CEP112: variants seen among roughly 807,000 people sequenced by gnomAD.
CEP112 encodes the protein centrosomal protein 112.
A neutral mutation model predicts 153.0 loss-of-function variants in CEP112; 127 were observed. The ratio of observed to expected loss-of-function variants is 0.83; its 90% CI spans 0.72 to 0.96. The LOEUF (loss-of-function observed/expected upper bound fraction) is 0.96, where lower values mean the gene tolerates loss of function less well. Ranked by LOEUF, CEP112 falls within the 40% of genes least tolerant of loss-of-function variation. The pLI is 0.00. For synonymous variants in CEP112, 358 were observed against 374.4 expected, an observed-to-expected ratio of 0.96 and a Z score of 0.51; for missense variants, 1,089 against 1,101.2, an observed-to-expected ratio of 0.99 and a Z score of 0.16.
intron 25 of CEP112, among the ~76,000 whole-genome samples, chr17:65,640,417 G>C (rs2045068214): frequency 6.6e-6 from 1 of 152,080 alleles, no homozygotes; most frequent in African/African-American, 2.4e-5. Context: ...GCCTCCCAAA[G>C]TGACAGGATT....
chr17:65,696,844 T>A (rs1217687247), intron 23 of CEP112, among the ~76,000 whole-genome samples: 1 of 151,880 alleles, frequency 6.6e-6, no homozygotes. Flanking sequence ...TAAAAAAAAA[T>A]GAGGTCATCA....
intron 24 of CEP112, among the ~76,000 whole-genome samples, chr17:65,659,738 GA>G (rs1345309081): frequency 2.0e-5 from 3 of 152,102 alleles, no homozygotes; most frequent in African/African-American, 7.2e-5. Flanking sequence ...TAGGCTTTCT[GA>G]AAGAAAAAAG....
intron 24 of CEP112, among the ~76,000 whole-genome samples, chr17:65,643,144 T>C (rs2045237680): frequency 6.6e-6 from 1 of 151,978 alleles, no homozygotes; most frequent in South Asian, 2.1e-4. Context: ...GCTGAAGGAG[T>C]CCCAAGAGGG....
intron 21 of CEP112, among the ~76,000 whole-genome samples, chr17:65,839,570 A>T (rs1380033251): frequency 1.3e-5 from 2 of 152,106 alleles, no homozygotes; most frequent in African/African-American, 4.8e-5. Context: ...CATAGTGAAA[A>T]GGGAAAAATT....
rs1425081640 is a variant in CEP112 at position 66,109,663 on chromosome 17, A to G, written c.643-13031T>C. 3.3e-5 allele frequency among the ~76,000 whole-genome samples: 5 copies of G among 152,184 alleles called. No individual in the cohort carries two copies. The East Asian group carries it at 9.6e-4, about 29-fold the overall frequency. ...GAAAAAAAAATAGAGAGTAGAATCC[A>G]TTTTGGACAGTCTCGATGTTGCAAA... On this transcript the variant is annotated intron_variant, in intron 6 of 26. Coordinates refer to ENST00000535342, the MANE Select transcript of CEP112 (RefSeq NM_001199165.4).
chr17:65,965,055 G>T (rs1266256973), intron 17 of CEP112, among the ~76,000 whole-genome samples: 1 of 152,064 alleles, frequency 6.6e-6, no homozygotes, highest in Non-Finnish European at 1.5e-5. Context: ...TTGAAAGTCA[G>T]TTTTTTATAT....
chr17:66,062,026 T>C (rs1021315052), intron 11 of CEP112, among the ~76,000 whole-genome samples: 8 of 152,128 alleles, frequency 5.3e-5, no homozygotes, highest in African/African-American at 1.9e-4. Flanking sequence ...TGTGTGGTAG[T>C]TCCTCCTGTG....
At chr17:66,001,213 G>A (rs2064032341) in intron 17 of CEP112, among the ~76,000 whole-genome samples, 1 of 152,204 alleles carries the variant, frequency 6.6e-6, no homozygotes, top group Non-Finnish European at 1.5e-5. Flanking sequence ...AGTGTGGTCT[G>A]CGTGAGCTTT....
At chr17:66,178,351 T>C (rs1201458971) in intron 2 of CEP112, among the ~76,000 whole-genome samples, 1 of 152,210 alleles carries the variant, frequency 6.6e-6, no homozygotes, top group Admixed American at 6.5e-5. Context: ...TGTTTGCCAT[T>C]TGTATGTCTT....
chr17:65,913,358 A>C (rs778822264), intron 19 of CEP112: 40 of 297,594 alleles, frequency 1.3e-4, no homozygotes, highest in Non-Finnish European at 1.9e-4. Context: ...GCTCCCTTAA[A>C]GATAAAATAA....
intron 20 of CEP112, among the ~76,000 whole-genome samples, chr17:65,887,620 A>T (rs936516137): frequency 6.6e-6 from 1 of 152,170 alleles, no homozygotes; most frequent in Admixed American, 6.5e-5. Flanking sequence ...AGCTCAGCAA[A>T]TGCGGTGCTA....
intron 23 of CEP112, among the ~76,000 whole-genome samples, chr17:65,738,687 C>T (rs995244351): frequency 6.6e-6 from 1 of 152,076 alleles, no homozygotes; most frequent in African/African-American, 2.4e-5. Flanking sequence ...TCTACTACTT[C>T]AAAAACAAGA....
At chr17:65,935,352 T>C (rs562373639) in intron 18 of CEP112, among the ~76,000 whole-genome samples, 1 of 152,288 alleles carries the variant, frequency 6.6e-6, no homozygotes, top group East Asian at 1.9e-4. Flanking sequence ...CTCTCAACAG[T>C]AGACAGATCA....
At chr17:65,918,179 C>CAA (rs55755336) in intron 19 of CEP112, among the ~76,000 whole-genome samples, 2,181 of 117,024 alleles carry the variant, frequency 0.019, 81 homozygotes, top group African/African-American at 0.064. Flanking sequence ...GACTCTGTCT[C>CAA]AAAAAAAAAA....
chr17:66,095,535 C>T (rs78558978), intron 8 of CEP112, among the ~76,000 whole-genome samples: 2,432 of 152,140 alleles, frequency 0.016, 54 homozygotes, highest in African/African-American at 0.055. Context: ...TTGGGAGATA[C>T]TGGTCAAAGG....
At chr17:65,898,718 G>A (rs1485603881) in intron 20 of CEP112, among the ~76,000 whole-genome samples, 1 of 152,098 alleles carries the variant, frequency 6.6e-6, no homozygotes, top group Non-Finnish European at 1.5e-5. Flanking sequence ...CAAGGTTGCT[G>A]CATTTAATTT....
intron 23 of CEP112, among the ~76,000 whole-genome samples, chr17:65,717,478 A>G (rs1178524051): frequency 1.3e-5 from 2 of 152,200 alleles, no homozygotes; most frequent in East Asian, 1.9e-4. Flanking sequence ...TATGACGACT[A>G]TCCTTAATAC....
At chr17:65,746,736 T>G (rs2051497891) in intron 22 of CEP112, among the ~76,000 whole-genome samples, 1 of 152,124 alleles carries the variant, frequency 6.6e-6, no homozygotes, top group Non-Finnish European at 1.5e-5. Flanking sequence ...TAACCTACCC[T>G]TCTCATAGAA....
chr17:66,117,201 T>A (rs970461928), intron 6 of CEP112, among the ~76,000 whole-genome samples: 5 of 152,022 alleles, frequency 3.3e-5, no homozygotes, highest in Admixed American at 6.6e-5. Context: ...GGCTCAAAAT[T>A]TTTTTCAGTT....
Sources: allele counts gnomAD v4.1 joint callset (sites outside exome capture counted in the v4.1 genomes callset), GRCh38; gene constraint gnomAD v4.1.1; transcripts MANE v1.5; gene names NCBI Gene and HGNC (gene_info 2026-07-23, HGNC 2026-07-21).